TRIO: variants seen among roughly 807,000 people sequenced by gnomAD.
The protein encoded by TRIO is trio Rho guanine nucleotide exchange factor, also known as triple functional domain protein.
TRIO carries 58 observed loss-of-function variants against 351.9 expected under a neutral mutation model. The observed-to-expected ratio is 0.16, with a 90% CI of 0.13 to 0.21. TRIO has a LOEUF of 0.21. Ranked by LOEUF, TRIO falls within the 10% of genes least tolerant of loss-of-function variation. The pLI, the probability that TRIO is intolerant of heterozygous loss-of-function variation, is 1.00. For synonymous variants in TRIO, 1,758 were observed against 1,595.7 expected, an observed-to-expected ratio of 1.10 and a Z score of -2.42; for missense variants, 3,201 against 4,027.8, an observed-to-expected ratio of 0.79 and a Z score of 5.56.
Position 14,291,124 on chromosome 5 carries a change from C to G in TRIO, c.949C>G (p.Arg317Gly). Reference sequence around the variant, plus strand: ...GCCCAAGGTGTCCACCATGCTGGACCGGCTGCACTCGACACGGCAGCATCT... The same window carrying G: ...GCCCAAGGTGTCCACCATGCTGGACGGGCTGCACTCGACACGGCAGCATCT... ...LLPKVSTMLD[R>G]LHSTRQHLHQ... Residue 317 changes from arginine to glycine, a missense_variant, in exon 5 of 57, where the codon CGG (arginine) becomes GGG (glycine). By Grantham distance (125) the Arg-to-Gly change is moderately radical. Coordinates refer to ENST00000344204, the MANE Select transcript of TRIO (RefSeq NM_007118.4). The G allele has an allele frequency of 6.2e-7, 1 of 1,614,056 alleles. No individual in the cohort carries two copies. The highest frequency in any genetic ancestry group is 8.5e-7 in the Non-Finnish European group (1 of 1,180,028).
chr5:14,190,412 A>G (rs529142459), intron 1 of TRIO, among the ~76,000 whole-genome samples: 1 of 152,314 alleles, frequency 6.6e-6, no homozygotes, highest in African/African-American at 2.4e-5. Context: ...ACTGAAAACT[A>G]TTTTTGGTGA....
chr5:14,476,880 T>A lies in TRIO; in HGVS notation c.6084-14T>A. 4.3e-6 allele frequency: 7 copies of A among 1,609,440 alleles called. No homozygotes were observed. The Middle Eastern group carries it at 8.3e-4, about 190-fold the overall frequency. On this transcript the variant is annotated splice_polypyrimidine_tract_variant and intron_variant, in intron 40 of 56. Transcript: ENST00000344204. ...CACTGGAAATAGTTCTAATATTTTC[T>A]CCTTTCTTTCCAGCTTTTTTTTAGG... is the stretch of plus-strand genomic sequence containing the variant.
intron 33 of TRIO, among the ~76,000 whole-genome samples, chr5:14,410,463 C>G (rs1223322746): frequency 6.6e-6 from 1 of 152,200 alleles, no homozygotes; most frequent in Admixed American, 6.5e-5. Flanking sequence ...CCAGCAACCC[C>G]ATCTCCGGTG....
intron 40 of TRIO, 50 bp downstream of exon 40, chr5:14,474,147 C>A: frequency 6.4e-7 from 1 of 1,568,110 alleles, no homozygotes; most frequent in South Asian, 1.1e-5. Context: ...GCCACACTTG[C>A]TAAACCAAGG....
At chr5:14,491,814 T>C (rs1756509092) in intron 48 of TRIO, among the ~76,000 whole-genome samples, 1 of 152,192 alleles carries the variant, frequency 6.6e-6, no homozygotes. Flanking sequence ...TTCCCAAAGC[T>C]TGAGTCACAG....
At chr5:14,367,055 A>G in intron 16 of TRIO, 76 bp downstream of exon 16, 1 of 1,585,068 alleles carries the variant, frequency 6.3e-7, no homozygotes, top group Non-Finnish European at 8.6e-7. Flanking sequence ...CCAACATGGC[A>G]CTGACCATGG....
chr5:14,505,303 A>G (rs928179893), intron 55 of TRIO, among the ~76,000 whole-genome samples: 2 of 152,298 alleles, frequency 1.3e-5, no homozygotes, highest in Non-Finnish European at 2.9e-5. Flanking sequence ...ATGCCACCCA[A>G]CCTCCTGCAA....
At position 14,358,234 on chromosome 5, in the gene TRIO, G is replaced by A. The variant is rs746306727; in HGVS notation, c.2103G>A (p.Glu701=). Residue 701 remains glutamate (E), a synonymous_variant, in exon 12 of 57, where the codon GAG becomes GAA. Transcript: ENST00000344204. ...AGCTGCTGGACGACGTGTATGCCGA[G>A]TCGGTGGAGGCCGTGCAGGACCTCA... is the stretch of plus-strand genomic sequence containing the variant. ...QKELLDDVYA[E]SVEAVQDLIK... 6.2e-7 allele frequency: 1 copy of A among 1,614,184 alleles called. No individual in the cohort carries two copies. The highest frequency in any genetic ancestry group is 2.2e-5 in the East Asian group (1 of 44,886).
chr5:14,409,214 A>G (rs1000828092), intron 33 of TRIO, among the ~76,000 whole-genome samples: 7 of 152,220 alleles, frequency 4.6e-5, no homozygotes, highest in African/African-American at 1.7e-4. Context: ...CGGCTTGAAC[A>G]GAAATAAGTC....
chr5:14,484,717 A>G (rs1755790753), intron 46 of TRIO, among the ~76,000 whole-genome samples: 1 of 152,108 alleles, frequency 6.6e-6, no homozygotes, highest in Admixed American at 6.5e-5. Context: ...ACAACTCTTC[A>G]TCTTGCAGAG....
chr5:14,165,445 T>C (rs557696849), intron 1 of TRIO, among the ~76,000 whole-genome samples: 1 of 152,356 alleles, frequency 6.6e-6, no homozygotes, highest in South Asian at 2.1e-4. Context: ...GATTTCATTC[T>C]TTTTTAATCA....
chr5:14,498,327 C>T lies in TRIO; in HGVS notation c.8210+76C>T, dbSNP rs966961685. On this transcript the variant is annotated intron_variant, in intron 52 of 56. Coordinates refer to ENST00000344204, the MANE Select transcript of TRIO (RefSeq NM_007118.4). ...GTCACTTGGCAACTGGAAATTCCTC[C>T]TTCACGGATGGATTTCTTTGGCTGC... is the stretch of plus-strand genomic sequence containing the variant. The T allele has an allele frequency of 4.5e-6, 7 of 1,569,590 alleles. 1 individual carries two copies. In the South Asian group the frequency reaches 5.7e-5, roughly 13 times the overall value.
At chr5:14,155,124 G>A (rs1279266700) in intron 1 of TRIO, among the ~76,000 whole-genome samples, 5 of 152,152 alleles carry the variant, frequency 3.3e-5, no homozygotes, top group Admixed American at 3.3e-4. Context: ...ATTTCGGGGT[G>A]GGGGTAAACT....
At chr5:14,312,210 A>T (rs191257590) in intron 8 of TRIO, among the ~76,000 whole-genome samples, 1 of 152,356 alleles carries the variant, frequency 6.6e-6, no homozygotes, top group Admixed American at 6.5e-5. Flanking sequence ...TAAGGGTGAC[A>T]TGCAGAAATC....
intron 21 of TRIO, among the ~76,000 whole-genome samples, chr5:14,381,475 C>T (rs1434403073): frequency 2.0e-5 from 3 of 152,144 alleles, no homozygotes; most frequent in Non-Finnish European, 4.4e-5. Flanking sequence ...GTGAATACGG[C>T]CATCTCTCTC....
In TRIO at chr5:14,498,172, C is replaced by T. The variant is rs373515068; in HGVS notation, c.8131C>T (p.Arg2711Cys). ...TVVLRCRVCG[R>C]PKASITWKGP... ...TGTTCTTAGATGTCGAGTCTGTGGC[C>T]GCCCCAAAGCCTCAATTACCTGGAA... The change falls in exon 52 of 57, where the codon CGC (arginine) becomes TGC (cysteine). Residue 2711 changes from arginine (R) to cysteine (C), a missense_variant. Transcript: ENST00000344204. 89 of 1,614,140 alleles carry T rather than the reference C, an allele frequency of 5.5e-5. No homozygotes were observed. Among genetic ancestry groups the T allele is most frequent in the African/African-American group, 8.0e-5 (6 of 75,028 alleles).
At chr5:14,355,372 T>C (rs565080009) in intron 11 of TRIO, among the ~76,000 whole-genome samples, 17 of 152,376 alleles carry the variant, frequency 1.1e-4, no homozygotes, top group East Asian at 5.8e-4. Context: ...GTAATAATTT[T>C]GTCCAGAGCG....
intron 41 of TRIO, among the ~76,000 whole-genome samples, chr5:14,478,553 T>G (rs1247645452): frequency 6.6e-6 from 1 of 152,094 alleles, no homozygotes; most frequent in Non-Finnish European, 1.5e-5. Flanking sequence ...TCTTCTGCCT[T>G]TAGGATTTGA....
At chr5:14,195,869 T>C (rs981110529) in intron 1 of TRIO, among the ~76,000 whole-genome samples, 1 of 152,214 alleles carries the variant, frequency 6.6e-6, no homozygotes, top group Non-Finnish European at 1.5e-5. Flanking sequence ...TTGCTTATTT[T>C]TTTTGTCTGT....
Sources: gnomAD v4.1 joint callset for allele counts (sites outside exome capture counted in the v4.1 genomes callset) on GRCh38, gnomAD v4.1.1 for gene constraint, MANE v1.5 for transcripts, NCBI Gene and HGNC (gene_info 2026-07-23, HGNC 2026-07-21) for gene names.